LHX8: variants seen among roughly 807,000 people sequenced by gnomAD.
The protein encoded by LHX8 is LIM/homeobox protein Lhx8.
A neutral mutation model predicts 40.3 loss-of-function variants in LHX8; 12 were observed. That is an observed-to-expected ratio of 0.30 (90% CI 0.19 to 0.48). LHX8 has a LOEUF of 0.48. Ranked by LOEUF, LHX8 falls within the 20% of genes least tolerant of loss-of-function variation. The probability of loss-of-function intolerance (pLI) is 0.99; values close to 1 mark genes in which losing one functional copy is unlikely to be tolerated. For synonymous variants in LHX8, 179 were observed against 162.0 expected (o/e 1.10, Z -0.80); for missense variants, 344 against 433.7 (o/e 0.79, Z 1.84).
At chr1:75,167,151 G>C in the LHX8 span, among the ~76,000 whole-genome samples, 1 of 152,200 alleles carries the variant, frequency 6.6e-6, no homozygotes. Flanking sequence ...CTACATTACA[G>C]ACAACATGGA....
Position 75,137,085 on chromosome 1 carries a change from C to T in LHX8, c.76-15C>T. Reference sequence around the variant, plus strand: ...GAGGGGTCTAGAACCGCCTGCGCCTCGCGGTTTCCTGCAGGTGAGCCCCGA... The same window carrying T: ...GAGGGGTCTAGAACCGCCTGCGCCTTGCGGTTTCCTGCAGGTGAGCCCCGA... On this transcript the variant is annotated splice_polypyrimidine_tract_variant and intron_variant, in intron 2 of 8. Transcript: ENST00000356261. The T allele has an allele frequency of 1.9e-6, 3 of 1,595,542 alleles. No homozygotes were observed. Among genetic ancestry groups the T allele is most frequent in the Non-Finnish European group, 2.6e-6 (3 of 1,168,696 alleles).
At chr1:75,171,987 T>G in the LHX8 span, among the ~76,000 whole-genome samples, 1 of 152,094 alleles carries the variant, frequency 6.6e-6, no homozygotes, top group Non-Finnish European at 1.5e-5. Flanking sequence ...CCTGGAAACT[T>G]CAGGGATGTG....
chr1:75,179,951 C>T, the LHX8 span, among the ~76,000 whole-genome samples: 1 of 152,126 alleles, frequency 6.6e-6, no homozygotes, highest in Non-Finnish European at 1.5e-5. Flanking sequence ...ATTTGTGAAG[C>T]TTAGTTTAGC....
At chr1:75,175,954 GA>G in the LHX8 span, among the ~76,000 whole-genome samples, 1 of 152,250 alleles carries the variant, frequency 6.6e-6, no homozygotes, top group East Asian at 1.9e-4. Flanking sequence ...AGTTTGCTTA[GA>G]ATGATGGTTT....
intron 2 of LHX8, 127 bp from the exon 3 acceptor site, chr1:75,136,973 G>A: frequency 9.2e-7 from 1 of 1,088,868 alleles, no homozygotes; most frequent in Non-Finnish European, 1.3e-6. Flanking sequence ...GTGACCTCAA[G>A]AAGCTGGGGG....
chr1:75,158,301 G>C (rs551316891), intron 8 of LHX8, among the ~76,000 whole-genome samples: 87 of 152,088 alleles, frequency 5.7e-4, no homozygotes, highest in Middle Eastern at 6.8e-3. Context: ...TTTGATAATT[G>C]TATGTGCTTA....
the LHX8 span, among the ~76,000 whole-genome samples, chr1:75,170,878 G>A: frequency 6.6e-6 from 1 of 152,326 alleles, no homozygotes. Context: ...AGTGTCTGCT[G>A]TGAGCTGGGG....
intron 7 of LHX8, among the ~76,000 whole-genome samples, chr1:75,152,016 A>G (rs1217260742): frequency 6.6e-6 from 1 of 152,230 alleles, no homozygotes; most frequent in Non-Finnish European, 1.5e-5. Flanking sequence ...AAAGAGTACT[A>G]GCATGCTTAT....
the LHX8 span, among the ~76,000 whole-genome samples, chr1:75,176,255 C>A: frequency 6.6e-6 from 1 of 152,206 alleles, no homozygotes; most frequent in African/African-American, 2.4e-5. Context: ...ACACTGTCTT[C>A]CACAATGGTT....
the LHX8 span, among the ~76,000 whole-genome samples, chr1:75,169,944 T>C: frequency 2.6e-5 from 4 of 152,236 alleles, no homozygotes; most frequent in East Asian, 7.7e-4. Flanking sequence ...GCTACCCTGG[T>C]TCCACTGTTG....
chr1:75,168,573 C>CT, the LHX8 span, among the ~76,000 whole-genome samples: 39 of 151,458 alleles, frequency 2.6e-4, no homozygotes, highest in African/African-American at 4.6e-4. Flanking sequence ...GTCAACCCCT[C>CT]TTTTTTTTTA....
chr1:75,154,948 A>G (rs910003543), intron 7 of LHX8, among the ~76,000 whole-genome samples: 1 of 152,170 alleles, frequency 6.6e-6, no homozygotes, highest in African/African-American at 2.4e-5. Flanking sequence ...TTTGAATGCC[A>G]GGGGCAGGGT....
chr1:75,137,065 G>A (rs1208926259), intron 2 of LHX8, 35 bp from the exon 3 acceptor site: 18 of 1,583,016 alleles, frequency 1.1e-5, no homozygotes, highest in East Asian at 2.3e-5. Flanking sequence ...GGGAGGAGGG[G>A]TCTAGAACCG....
rs185240453 is a variant in LHX8, at chr1:75,152,371, T to C, written c.780+3689T>C. Among the ~76,000 whole-genome samples the C allele has an allele frequency of 1.6e-3, 241 of 152,300 alleles. 2 individuals carry two copies. Among genetic ancestry groups the C allele is most frequent in the African/African-American group, 5.6e-3 (232 of 41,572 alleles). ...ATGAGTGATTTTTTTCCCCACACAC[T>C]GCATCCAGATACAATCACTGTTCAC... On this transcript the variant is annotated intron_variant, in intron 7 of 8. Coordinates refer to ENST00000356261, the MANE Select transcript of LHX8 (RefSeq NM_001256114.2).
the LHX8 span, among the ~76,000 whole-genome samples, chr1:75,179,422 T>C: frequency 6.6e-6 from 1 of 152,176 alleles, no homozygotes; most frequent in Non-Finnish European, 1.5e-5. Flanking sequence ...TTTACCATTA[T>C]GTAATGGCCT....
upstream of LHX8, chr1:75,130,389 A>C: frequency 2.1e-6 from 1 of 481,030 alleles, no homozygotes; most frequent in South Asian, 2.6e-5. Context: ...AACTGGCCCC[A>C]GCTGGCGCAT....
At chr1:75,190,030 A>G in the LHX8 span, among the ~76,000 whole-genome samples, 3 of 152,214 alleles carry the variant, frequency 2.0e-5, no homozygotes, top group African/African-American at 4.8e-5. Flanking sequence ...CAGCCAAAGG[A>G]GAAAGACAGA....
intron 6 of LHX8, 83 bp downstream of exon 6, chr1:75,144,031 A>G (rs879080096): frequency 1.9e-6 from 2 of 1,038,298 alleles, no homozygotes; most frequent in Admixed American, 4.1e-5. Context: ...GCCCAAAAAC[A>G]TTTTTATGTT....
chr1:75,155,391 T>C lies in LHX8; in HGVS notation c.781-1502T>C, dbSNP rs199649577. On this transcript the variant is annotated intron_variant, in intron 7 of 8. Transcript: ENST00000356261. ...CTGGGACTACAGGCACCCGCCACCA[T>C]GCCTGGCTAATTTTTTGTATTTTTA... is the stretch of plus-strand genomic sequence containing the variant. Among the ~76,000 whole-genome samples, 65 of 152,064 alleles carry C rather than the reference T, an allele frequency of 4.3e-4. No homozygotes were observed. The East Asian group carries it at 7.9e-3, about 19-fold the overall frequency.
Sources: gnomAD v4.1 joint callset for allele counts (sites outside exome capture counted in the v4.1 genomes callset) on GRCh38, gnomAD v4.1.1 for gene constraint, MANE v1.5 for transcripts, NCBI Gene and HGNC (gene_info 2026-07-23, HGNC 2026-07-21) for gene names.